Variants in BAIAP3 observed in about 807,000 individuals in gnomAD.
The protein encoded by BAIAP3 is BAI1 associated protein 3, also known as BAI1-associated protein 3.
Under a neutral mutation model 149.7 loss-of-function variants are expected in BAIAP3, and 180 were observed. The ratio of observed to expected loss-of-function variants is 1.20; its 90% CI spans 1.07 to 1.36. The LOEUF (loss-of-function observed/expected upper bound fraction) is 1.36, where lower values mean the gene tolerates loss of function less well. Among genes scored for constraint, BAIAP3 ranks in the 40% most tolerant of loss-of-function variants. BAIAP3 has a pLI of 0.00. For missense variants in BAIAP3, 1,767 were observed against 1,563.4 expected, an observed-to-expected ratio of 1.13 and a Z score of -2.20; for synonymous variants, 845 against 670.7, an observed-to-expected ratio of 1.26 and a Z score of -4.02.
At position 1,343,595 on chromosome 16, in the gene BAIAP3, G is replaced by A. The variant is rs1324368244; in HGVS notation, c.1386+82G>A. On this transcript the variant is annotated intron_variant, in intron 15 of 33. Coordinates refer to ENST00000426824, the MANE Select transcript of BAIAP3 (RefSeq NM_001199097.2). ...GGTCGCTCAGTGCCGGTCGGCGAGG[G>A]GCAGAGTCCTGCCCGCGTGGGGGTC... The A allele has an allele frequency of 6.5e-6, 10 of 1,549,780 alleles. No homozygotes were observed. The Middle Eastern group carries it at 7.0e-4, about 108-fold the overall frequency.
Position 1,345,079 on chromosome 16 carries a change from C to T in BAIAP3, c.1920C>T (p.Phe640=). The part of the protein sequence containing the change: ...LYLTLADLQR[F]WDSIPGRDSR... ...TGACCCTGGCTGACCTCCAGCGCTTCTGGGATAGCATCCCTGGCCGGTGGG... is the reference window on the plus strand; with the variant it reads ...TGACCCTGGCTGACCTCCAGCGCTTTTGGGATAGCATCCCTGGCCGGTGGG... Residue 640 remains phenylalanine, a synonymous_variant, in exon 21 of 34, where the codon TTC becomes TTT. Transcript: ENST00000426824. 1 of 1,612,626 alleles carries T rather than the reference C, an allele frequency of 6.2e-7. No homozygotes were observed. Among genetic ancestry groups the T allele is most frequent in the Non-Finnish European group, 8.5e-7 (1 of 1,179,994 alleles).
Position 1,347,954 on chromosome 16 carries a change from G to C in BAIAP3, c.3086G>C (p.Arg1029Pro), listed in dbSNP as rs148005520. ...CCACCGCATCTCTTTCCACTGGTCCGCAGCCAGAGGACCCAGGTGAAGACC... is the reference window on the plus strand; with the variant it reads ...CCACCGCATCTCTTTCCACTGGTCCCCAGCCAGAGGACCCAGGTGAAGACC... The part of the protein sequence containing the change: ...LGPPHLFPLV[R>P]SQRTQVKTRT... Residue 1029 changes from arginine (R) to proline (P), a missense_variant, in exon 32 of 34, where the codon CGC becomes CCC. Physicochemically the swap from Arg to Pro is moderately radical, Grantham distance 103. Transcript: ENST00000426824. The C allele has an allele frequency of 1.9e-6, 3 of 1,611,840 alleles. No individual in the cohort carries two copies. The South Asian group carries it at 3.3e-5, about 18-fold the overall frequency.
In BAIAP3 at chr16:1,345,752, G is replaced by A. The variant is rs200826368; in HGVS notation, c.2070G>A (p.Glu690=). Residue 690 remains glutamate, a synonymous_variant, in exon 23 of 34, where the codon GAG becomes GAA. Transcript: ENST00000426824. ...AGCCTCCCCTGCCTCCCTAGCTGGA[G>A]CCCGTGGACGCCTCCTCCAGGCACA... ...LQGAVDMDTL[E]PVDASSRHSS... The A allele has an allele frequency of 1.3e-6, 2 of 1,534,184 alleles. No individual in the cohort carries two copies. The highest frequency in any genetic ancestry group is 1.7e-6 in the Non-Finnish European group (2 of 1,147,344).
rs778271396 is a variant in BAIAP3, at chr16:1,345,907, T to TG, written c.2208+22dup. ...CTTGGCCAGGTGTGTGGGTGGGCCCTGGGGGTGAGGGGAACGGGTGGGAGA... is the reference window on the plus strand; with the variant it reads ...CTTGGCCAGGTGTGTGGGTGGGCCCTGGGGGGTGAGGGGAACGGGTGGGAGA... On this transcript the variant is annotated intron_variant, in intron 23 of 33. Transcript: ENST00000426824. The TG allele has an allele frequency of 1.1e-5, 18 of 1,574,522 alleles. No homozygotes were observed. In the East Asian group the frequency reaches 4.1e-4, roughly 36 times the overall value.
At position 1,342,646 on chromosome 16, in the gene BAIAP3, G is replaced by A; in HGVS notation, c.1065+12G>A. On this transcript the variant is annotated intron_variant, in intron 12 of 33. Transcript: ENST00000426824. Reference sequence around the variant, plus strand: ...TGATCACTACGCAGGTGGGGAAAGTGGGCGTCCCCGTCCTCCACCCCCGTC... The same window carrying A: ...TGATCACTACGCAGGTGGGGAAAGTAGGCGTCCCCGTCCTCCACCCCCGTC... 1.9e-6 allele frequency: 3 copies of A among 1,597,984 alleles called. No individual in the cohort carries two copies. The highest frequency in any genetic ancestry group is 8.5e-7 in the Non-Finnish European group (1 of 1,173,090).
At position 1,346,051 on chromosome 16, in the gene BAIAP3, G is replaced by A; in HGVS notation, c.2274G>A (p.Gly758=). 1 of 1,611,674 alleles carries A rather than the reference G, an allele frequency of 6.2e-7. No individual in the cohort carries two copies. The highest frequency in any genetic ancestry group is 1.1e-5 in the South Asian group (1 of 90,874). ...GGAAGAAGGTGGACACTCAGCCAGG[G>A]GCGGCCGGTGAAGCAGTGAGCGAGG... ...LLRKKVDTQP[G]AAGEAVSEAL... Residue 758 remains glycine (G), a synonymous_variant, in exon 24 of 34, where the codon GGG becomes GGA. Transcript: ENST00000426824.
At chr16:1,348,059 T>C in intron 32 of BAIAP3, 37 bp from the exon 33 acceptor site, 2 of 1,501,636 alleles carry the variant, frequency 1.3e-6, no homozygotes, top group Admixed American at 2.0e-5. Context: ...GGCTCCAGGC[T>C]GCCGGAGCGA....
In BAIAP3 at chr16:1,345,817, T is replaced by TC; in HGVS notation, c.2137dup (p.Gln713ProfsTer11). 6.3e-7 allele frequency: 1 copy of TC among 1,580,776 alleles called. No homozygotes were observed. Among genetic ancestry groups the TC allele is most frequent in the Non-Finnish European group, 8.6e-7 (1 of 1,166,708 alleles). ...ACTGCTGGTCTCTGCCTCAGCCACA[T>TC]CCAGGAGTTGTGGGTGCGCCTGGCG... On this transcript the variant is annotated frameshift_variant, in exon 23 of 34. Coordinates refer to ENST00000426824, the MANE Select transcript of BAIAP3 (RefSeq NM_001199097.2). LOFTEE classifies it high-confidence loss of function.
chr16:1,349,288 G>A lies in BAIAP3; in HGVS notation c.*806G>A. 1.1e-6 allele frequency: 1 copy of A among 877,666 alleles called. No homozygotes were observed. Among genetic ancestry groups the A allele is most frequent in the Non-Finnish European group, 1.9e-6 (1 of 531,186 alleles). 54.4% of individuals were successfully genotyped at this position (877,666 alleles called of 1,614,324 possible). On this transcript the variant is annotated 3_prime_UTR_variant, in exon 34 of 34. Transcript: ENST00000426824. ...CGAGAGCGCCGAGGCAGGACACAGA[G>A]CACAGCTGTGCTGGAAGTGTGGGGA...
At position 1,348,760 on chromosome 16, in the gene BAIAP3, C is replaced by T. The variant is rs2034564243; in HGVS notation, c.*278C>T. 1 of 520,094 alleles carries T rather than the reference C, an allele frequency of 1.9e-6. No individual in the cohort carries two copies. Among genetic ancestry groups the T allele is most frequent in the African/African-American group, 1.9e-5 (1 of 52,056 alleles). The allele number at this position is 520,094 out of a possible 1,614,324, so 32.2% of individuals were successfully genotyped here. Reference sequence around the variant, plus strand: ...CAGTGCAGGCCAGAGCGGGCTTGACCACCTGGTGGGCCTCCCTGCCCGCTT... The same window carrying T: ...CAGTGCAGGCCAGAGCGGGCTTGACTACCTGGTGGGCCTCCCTGCCCGCTT... On this transcript the variant is annotated 3_prime_UTR_variant, in exon 34 of 34. Coordinates refer to ENST00000426824, the MANE Select transcript of BAIAP3 (RefSeq NM_001199097.2).
rs1410548110 is a variant in BAIAP3, at chr16:1,341,416, C to T, written c.658C>T (p.Pro220Ser). ...RKGSKRGGPLPAKCIQVTEVK... is the reference protein window; with the variant it reads ...RKGSKRGGPLSAKCIQVTEVK... The stretch of plus-strand genomic sequence containing the variant: ...GGGCAGCAAGCGCGGTGGACCCCTG[C>T]CTGCCAAGTGCATCCAGGTCACCGA... The change falls in exon 8 of 34, where the codon CCT (proline) becomes TCT (serine). Residue 220 changes from proline (P) to serine (S), a missense_variant. Coordinates refer to ENST00000426824, the MANE Select transcript of BAIAP3 (RefSeq NM_001199097.2). 6.2e-7 allele frequency: 1 copy of T among 1,612,680 alleles called. No homozygotes were observed. The highest frequency in any genetic ancestry group is 1.1e-5 in the South Asian group (1 of 91,082).
At chr16:1,342,458 G>T in intron 11 of BAIAP3, 69 bp from the exon 12 acceptor site, 1 of 1,455,012 alleles carries the variant, frequency 6.9e-7, no homozygotes, top group South Asian at 1.2e-5. Context: ...TCTCTCCAGG[G>T]TCTCACAGAG....
chr16:1,345,399 CTG>C (rs71145423), intron 22 of BAIAP3, 27 bp downstream of exon 22: 46,811 of 1,595,434 alleles, frequency 0.029, 879 homozygotes, highest in Non-Finnish European at 0.036. Flanking sequence ...CCTGAGGACA[CTG>C]GGGCTGGTCC....
In BAIAP3 at chr16:1,343,963, G is replaced by C. The variant is rs2034118714; in HGVS notation, c.1387-59G>C. ...TGTTGCGGGCCAAGGCAGGGAGGAT[G>C]TTTCTCCTCATCAGTGGCCGGTCGG... On this transcript the variant is annotated intron_variant, in intron 15 of 33. Transcript: ENST00000426824. 1.6e-5 allele frequency: 26 copies of C among 1,601,868 alleles called. No individual in the cohort carries two copies. In the South Asian group the frequency reaches 2.9e-4, roughly 18 times the overall value.
chr16:1,344,996 G>A lies in BAIAP3; in HGVS notation c.1837G>A (p.Glu613Lys). ...LVAEEAWVLT[E>K]ELSPKMTLEV... ...GGCTGAGGAGGCGTGGGTGCTGACG[G>A]AGGAGCTGAGCCCCAAGATGACCCT... Residue 613 changes from glutamate to lysine, a missense_variant, in exon 21 of 34, where the codon GAG becomes AAG. Glu to Lys is a moderately conservative substitution (Grantham distance 56). Coordinates refer to ENST00000426824, the MANE Select transcript of BAIAP3 (RefSeq NM_001199097.2). 6.2e-7 allele frequency: 1 copy of A among 1,612,796 alleles called. No homozygotes were observed. Among genetic ancestry groups the A allele is most frequent in the African/African-American group, 1.3e-5 (1 of 75,012 alleles).
At position 1,346,858 on chromosome 16, in the gene BAIAP3, C is replaced by T; in HGVS notation, c.2654C>T (p.Ala885Val). 2 of 1,604,598 alleles carry T rather than the reference C, an allele frequency of 1.2e-6. No homozygotes were observed. Among genetic ancestry groups the T allele is most frequent in the Non-Finnish European group, 1.7e-6 (2 of 1,178,090 alleles). Residue 885 changes from alanine (A) to valine (V), a missense_variant, in exon 28 of 34, where the codon GCC (alanine) becomes GTC (valine). Physicochemically the swap from Ala to Val is moderately conservative, Grantham distance 64. Coordinates refer to ENST00000426824, the MANE Select transcript of BAIAP3 (RefSeq NM_001199097.2). ...ATGCTGCCCTGCAGGGTGCTGGAGG[C>T]CCTGTGGGAGCTACTCCTCCAGGCC... ...VKGNLSRVLE[A>V]LWELLLQAIL...
At position 1,346,616 on chromosome 16, in the gene BAIAP3, G is replaced by T; in HGVS notation, c.2574G>T (p.Pro858=). Residue 858 remains proline (P), a synonymous_variant, in exon 27 of 34, where the codon CCG becomes CCT. Transcript: ENST00000426824. ...ACCCCTGCCCGCAGGCCGTGGCCCC[G>T]CTCATGAAGTACCTGGATGAGAAGC... ...DSIQNDEAVA[P]LMKYLDEKLA... is the part of the protein sequence containing the mutation. 6.6e-7 allele frequency: 1 copy of T among 1,523,534 alleles called. No homozygotes were observed. The highest frequency in any genetic ancestry group is 1.4e-5 in the African/African-American group (1 of 71,762). 94.4% of individuals were successfully genotyped at this position (1,523,534 alleles called of 1,614,324 possible). A position where few individuals can be genotyped will look rare whatever the true frequency, so the allele number is the denominator to read the frequency against.
At position 1,345,809 on chromosome 16, in the gene BAIAP3, C is replaced by A; in HGVS notation, c.2127C>A (p.Leu709=). The change falls in exon 23 of 34, where the codon CTC becomes CTA. Residue 709 remains leucine, a synonymous_variant. Transcript: ENST00000426824. ...SSSAATAGLC[L]SHIQELWVRL... ...CCGCAGCCACTGCTGGTCTCTGCCT[C>A]AGCCACATCCAGGAGTTGTGGGTGC... The A allele has an allele frequency of 6.3e-7, 1 of 1,579,554 alleles. No individual in the cohort carries two copies. The highest frequency in any genetic ancestry group is 8.6e-7 in the Non-Finnish European group (1 of 1,166,442).
At chr16:1,343,175 AAG>A (rs2034050058) in intron 14 of BAIAP3, 159 bp downstream of exon 14, 1 of 1,098,920 alleles carries the variant, frequency 9.1e-7, no homozygotes, top group South Asian at 1.5e-5. Context: ...GCGGGAAGGG[AAG>A]GGGGCGGTGC....
Sources: gnomAD v4.1 joint callset for allele counts on GRCh38, gnomAD v4.1.1 for gene constraint, MANE v1.5 for transcripts, NCBI Gene and HGNC (gene_info 2026-07-23, HGNC 2026-07-21) for gene names.